The following ADA variants were observed in gnomAD, a reference collection of about 807,000 sequenced individuals.
The protein encoded by ADA is adenosine deaminase.
A neutral mutation model predicts 49.0 loss-of-function variants in ADA; 45 were observed. The observed-to-expected ratio is 0.92, with a 90% CI of 0.72 to 1.18. The LOEUF (loss-of-function observed/expected upper bound fraction) is 1.18. Ranked by LOEUF, ADA falls within the 50% of genes most tolerant of loss-of-function variation. ADA has a pLI of 0.00. For missense variants in ADA, 445 were observed against 472.5 expected, an observed-to-expected ratio of 0.94 and a Z score of 0.54; for synonymous variants, 173 against 184.2, an observed-to-expected ratio of 0.94 and a Z score of 0.49.
intron 1 of ADA, 65 bp from the exon 2 acceptor site, chr20:44,636,353 G>C (rs75677864): frequency 2.2e-6 from 3 of 1,353,878 alleles, no homozygotes; most frequent in Non-Finnish European, 3.1e-6. Context: ...ATGAGTTCAC[G>C]AAGGACCTTT....
intron 9 of ADA, 24 bp downstream of exon 9, chr20:44,622,564 C>T: frequency 1.2e-6 from 2 of 1,614,104 alleles, no homozygotes; most frequent in Non-Finnish European, 1.7e-6. Context: ...CAAAATTGAA[C>T]AGGCCCAGGG....
intron 1 of ADA, among the ~76,000 whole-genome samples, chr20:44,647,443 G>GA (rs1244175135): frequency 6.6e-6 from 1 of 151,530 alleles, no homozygotes; most frequent in Admixed American, 6.6e-5. Context: ...TCTAAAAAAA[G>GA]AAAAAAAGAA....
At chr20:44,650,220 C>T (rs1211775690) in intron 1 of ADA, among the ~76,000 whole-genome samples, 1 of 152,180 alleles carries the variant, frequency 6.6e-6, no homozygotes, top group East Asian at 1.9e-4. Flanking sequence ...TACAGCACCT[C>T]AGTGCTTCCA....
chr20:44,627,348 A>G (rs1243297943), intron 3 of ADA, among the ~76,000 whole-genome samples: 1 of 151,924 alleles, frequency 6.6e-6, no homozygotes, highest in Non-Finnish European at 1.5e-5. Context: ...CGCCCGGCTA[A>G]TTTTTTGTAT....
chr20:44,620,467 A>G lies in ADA; in HGVS notation c.976-66T>C, dbSNP rs571774686. The G allele has an allele frequency of 9.8e-6, 13 of 1,326,784 alleles. No homozygotes were observed. The East Asian group carries it at 2.8e-4, about 28-fold the overall frequency. 82.2% of individuals were successfully genotyped at this position (1,326,784 alleles called of 1,614,324 possible). The stretch of plus-strand genomic sequence containing the variant: ...CAAAGAAGGCAGCTCTTAGCAATGT[A>G]GTGATAGTCCATCCTCTTCACTCAA... On this transcript the variant is annotated intron_variant, in intron 10 of 11. Coordinates refer to ENST00000372874, the MANE Select transcript of ADA (RefSeq NM_000022.4).
chr20:44,620,472 T>C lies in ADA; in HGVS notation c.976-71A>G, dbSNP rs1471286562. 5.5e-6 allele frequency: 7 copies of C among 1,263,168 alleles called. No homozygotes were observed. The East Asian group carries it at 9.2e-5, about 17-fold the overall frequency. The allele number at this position is 1,263,168 out of a possible 1,614,324, so 78.2% of individuals were successfully genotyped here. A position where few individuals can be genotyped will look rare whatever the true frequency, so the allele number is the denominator to read the frequency against. On this transcript the variant is annotated intron_variant, in intron 10 of 11. Transcript: ENST00000372874. ...AAGGCAGCTCTTAGCAATGTAGTGA[T>C]AGTCCATCCTCTTCACTCAACATGG... is the stretch of plus-strand genomic sequence containing the variant.
chr20:44,624,353 G>A (rs988040699), intron 5 of ADA, 24 bp from the exon 6 acceptor site: 2 of 1,612,076 alleles, frequency 1.2e-6, no homozygotes, highest in Admixed American at 1.7e-5. Context: ...GCCCACCCAG[G>A]CTCTGTCACC....
chr20:44,650,979 G>A (rs1024014309), intron 1 of ADA, among the ~76,000 whole-genome samples: 2 of 152,288 alleles, frequency 1.3e-5, no homozygotes, highest in East Asian at 3.9e-4. Context: ...GCTTGGCCTC[G>A]AGTGAACCCT....
intron 1 of ADA, among the ~76,000 whole-genome samples, chr20:44,651,215 T>C (rs965120932): frequency 3.9e-5 from 6 of 152,196 alleles, no homozygotes; most frequent in African/African-American, 1.2e-4. Context: ...TAGGTGCCTA[T>C]CCGGCGTAGA....
Position 44,623,986 on chromosome 20 carries a change from A to G in ADA, c.606+216T>C, listed in dbSNP as rs747190283. On this transcript the variant is annotated intron_variant, in intron 6 of 11. Transcript: ENST00000372874. ...GGTCTCAAACTCCTAGGCTCAAGCA[A>G]TCCTCCTGCCTCGCCTCCCAAAGTG... The G allele has an allele frequency of 2.3e-4, 137 of 599,282 alleles. 1 individual carries two copies. Among genetic ancestry groups the G allele is most frequent in the Non-Finnish European group, 3.5e-4 (116 of 332,124 alleles). The allele number at this position is 599,282 out of a possible 1,614,324, so 37.1% of individuals were successfully genotyped here.
chr20:44,620,246 C>G, intron 11 of ADA, 53 bp downstream of exon 11: 2 of 1,495,416 alleles, frequency 1.3e-6, no homozygotes, highest in Non-Finnish European at 1.9e-6. Context: ...CCACAGAAAG[C>G]CACACTGGGG....
chr20:44,624,683 C>A (rs908237818), intron 5 of ADA, among the ~76,000 whole-genome samples: 2 of 152,222 alleles, frequency 1.3e-5, no homozygotes, highest in Non-Finnish European at 2.9e-5. Flanking sequence ...TAGGCTTATT[C>A]CCATGCGCAG....
chr20:44,637,417 GT>G (rs2065490808), intron 1 of ADA, among the ~76,000 whole-genome samples: 1 of 152,226 alleles, frequency 6.6e-6, no homozygotes, highest in South Asian at 2.1e-4. Flanking sequence ...CAGTCAGGGT[GT>G]TTACCATGAG....
At chr20:44,641,774 T>TG (rs1427825517) in intron 1 of ADA, among the ~76,000 whole-genome samples, 4 of 138,346 alleles carry the variant, frequency 2.9e-5, no homozygotes, top group African/African-American at 1.0e-4. Flanking sequence ...TTGTTGTTGT[T>TG]TTTTTTTTTT....
chr20:44,621,420 C>T (rs2065330477), intron 9 of ADA, among the ~76,000 whole-genome samples: 1 of 151,874 alleles, frequency 6.6e-6, no homozygotes, highest in Non-Finnish European at 1.5e-5. Context: ...GAATGGCAGC[C>T]GGTGGGGGCG....
Position 44,621,103 on chromosome 20 carries a change from G to C in ADA, c.890C>G (p.Pro297Arg). 1 of 1,614,140 alleles carries C rather than the reference G, an allele frequency of 6.2e-7. No homozygotes were observed. The highest frequency in any genetic ancestry group is 8.5e-7 in the Non-Finnish European group (1 of 1,180,036). ...GTCCAGGGTGGACTTGAAGATGAGCGGGTCATCTGTGTTGAGCGAGTAGTT... is the reference window on the plus strand; with the variant it reads ...GTCCAGGGTGGACTTGAAGATGAGCCGGTCATCTGTGTTGAGCGAGTAGTT... ...QANYSLNTDD[P>R]LIFKSTLDTD... Residue 297 changes from proline to arginine, a missense_variant, in exon 10 of 12, where the codon CCG (proline) becomes CGG (arginine). Coordinates refer to ENST00000372874, the MANE Select transcript of ADA (RefSeq NM_000022.4).
intron 3 of ADA, among the ~76,000 whole-genome samples, chr20:44,628,110 G>GA (rs2065399484): frequency 6.6e-6 from 1 of 152,220 alleles, no homozygotes; most frequent in Non-Finnish European, 1.5e-5. Context: ...GTGGTTACTA[G>GA]AATGTGTGAG....
rs765216 is a variant in ADA, at chr20:44,636,218, T to C, written c.95+9A>G. The C allele has an allele frequency of 5.1e-4, 822 of 1,607,710 alleles. 3 individuals carry two copies. In the African/African-American group the frequency reaches 0.01, roughly 20 times the overall value. On this transcript the variant is annotated intron_variant, in intron 2 of 11. Transcript: ENST00000372874. ...CCCAGGGAGAGAGGGCTCTTCTGTA[T>C]GGACTTACCTGCCATAGTATAAGAT...
intron 1 of ADA, among the ~76,000 whole-genome samples, chr20:44,643,126 T>C (rs1447013581): frequency 6.6e-6 from 1 of 152,118 alleles, no homozygotes; most frequent in African/African-American, 2.4e-5. Context: ...ACAATGACAA[T>C]GGGGTGGCGA....
Sources: allele counts gnomAD v4.1 joint callset (sites outside exome capture counted in the v4.1 genomes callset), GRCh38; gene constraint gnomAD v4.1.1; transcripts MANE v1.5; gene names NCBI Gene and HGNC (gene_info 2026-07-23, HGNC 2026-07-21).